The following FRAS1 variants were observed in gnomAD, a reference collection of about 807,000 sequenced individuals.
FRAS1 encodes extracellular matrix organizing protein FRAS1.
In FRAS1, 290 loss-of-function variants were observed where a neutral mutation model predicts 435.2. The observed-to-expected ratio is 0.67, with a 90% CI of 0.61 to 0.73. The LOEUF (loss-of-function observed/expected upper bound fraction) is 0.73. Ranked by LOEUF, FRAS1 falls within the 30% of genes least tolerant of loss-of-function variation. FRAS1 has a pLI of 0.00. For missense variants in FRAS1, 4,860 were observed against 5,001.5 expected, an observed-to-expected ratio of 0.97 and a Z score of 0.85; for synonymous variants, 1,800 against 1,851.0, an observed-to-expected ratio of 0.97 and a Z score of 0.71.
Position 78,496,796 on chromosome 4 carries a change from T to C in FRAS1, c.8959-9T>C. On this transcript the variant is annotated splice_polypyrimidine_tract_variant and intron_variant, in intron 59 of 73. Coordinates refer to ENST00000512123, the MANE Select transcript of FRAS1 (RefSeq NM_025074.7). ...AAAATTTTAATCTGTCTTGTGCCAT[T>C]GGCTCTAGGTGAAGAACTGTACGGT... 12 of 1,608,024 alleles carry C rather than the reference T, an allele frequency of 7.5e-6. No homozygotes were observed. Among genetic ancestry groups the C allele is most frequent in the Non-Finnish European group, 1.0e-5 (12 of 1,177,824 alleles).
intron 14 of FRAS1, among the ~76,000 whole-genome samples, chr4:78,303,866 G>T (rs999967552): frequency 1.3e-5 from 2 of 148,936 alleles, no homozygotes; most frequent in East Asian, 2.0e-4. Flanking sequence ...CTGCCTAATT[G>T]CCCTGGCCAG....
chr4:78,530,134 C>G (rs959962293), intron 70 of FRAS1, among the ~76,000 whole-genome samples: 1 of 151,608 alleles, frequency 6.6e-6, no homozygotes, highest in Non-Finnish European at 1.5e-5. Flanking sequence ...GGCTTTCTCT[C>G]TATTACAAAG....
intron 52 of FRAS1, 35 bp from the exon 53 acceptor site, chr4:78,473,400 TCCC>T (rs757261954): frequency 6.3e-7 from 1 of 1,582,450 alleles, no homozygotes; most frequent in South Asian, 1.1e-5. Flanking sequence ...TGTCGTTACA[TCCC>T]TGGGTTAATT....
intron 31 of FRAS1, 26 bp from the exon 32 acceptor site, chr4:78,412,943 G>T (rs370767925): frequency 7.6e-6 from 11 of 1,455,014 alleles, no homozygotes; most frequent in South Asian, 2.5e-5. Flanking sequence ...AAGATGAGAG[G>T]CTCACCAGGA....
chr4:78,389,418 A>G (rs1269313306), intron 29 of FRAS1, among the ~76,000 whole-genome samples: 4 of 151,842 alleles, frequency 2.6e-5, no homozygotes, highest in Admixed American at 1.3e-4. Context: ...TGAACAGCTG[A>G]ATCTAATATG....
intron 2 of FRAS1, among the ~76,000 whole-genome samples, chr4:78,105,590 G>C (rs967318286): frequency 2.0e-5 from 3 of 152,162 alleles, no homozygotes; most frequent in Non-Finnish European, 4.4e-5. Flanking sequence ...ACAAGAGATG[G>C]GGGAGAGGAT....
At chr4:78,061,544 G>T (rs553539740) in intron 1 of FRAS1, among the ~76,000 whole-genome samples, 1 of 152,146 alleles carries the variant, frequency 6.6e-6, no homozygotes, top group South Asian at 2.1e-4. Context: ...TCCTATAAAT[G>T]CTATTTAACA....
At chr4:78,457,647 A>C (rs1187143909) in intron 47 of FRAS1, among the ~76,000 whole-genome samples, 1 of 152,250 alleles carries the variant, frequency 6.6e-6, no homozygotes, top group Non-Finnish European at 1.5e-5. Context: ...GTACCCACGA[A>C]AGTGAGTGCC....
chr4:78,168,921 T>C (rs1721443219), intron 2 of FRAS1, among the ~76,000 whole-genome samples: 1 of 152,132 alleles, frequency 6.6e-6, no homozygotes, highest in Non-Finnish European at 1.5e-5. Flanking sequence ...GTGCTTTGTG[T>C]GCAAGATGTC....
At chr4:78,111,496 G>T (rs1385409781) in intron 2 of FRAS1, among the ~76,000 whole-genome samples, 21 of 43,550 alleles carry the variant, frequency 4.8e-4, no homozygotes, top group East Asian at 4.2e-3. Flanking sequence ...GTAAACTATC[G>T]CAAGAACAAA....
intron 49 of FRAS1, 42 bp downstream of exon 49, chr4:78,464,625 G>A: frequency 6.2e-7 from 1 of 1,605,886 alleles, no homozygotes; most frequent in Non-Finnish European, 8.5e-7. Flanking sequence ...CTAAATGAGA[G>A]GCTGACCTGG....
chr4:78,497,961 AT>A (rs1302668725), intron 60 of FRAS1, among the ~76,000 whole-genome samples: 1 of 152,204 alleles, frequency 6.6e-6, no homozygotes, highest in African/African-American at 2.4e-5. Context: ...GACAAATAAG[AT>A]TTATACTCTG....
intron 45 of FRAS1, among the ~76,000 whole-genome samples, chr4:78,451,318 G>C (rs1034343126): frequency 6.6e-6 from 1 of 152,158 alleles, no homozygotes; most frequent in Non-Finnish European, 1.5e-5. Flanking sequence ...ATGTTGCTCC[G>C]TGAACTGGGC....
intron 20 of FRAS1, among the ~76,000 whole-genome samples, chr4:78,354,133 TG>T (rs1730758067): frequency 6.6e-6 from 1 of 152,030 alleles, no homozygotes. Context: ...CTTTTACATT[TG>T]ACACTGCCAC....
At chr4:78,436,186 A>T (rs930141020) in intron 38 of FRAS1, among the ~76,000 whole-genome samples, 1 of 152,230 alleles carries the variant, frequency 6.6e-6, no homozygotes, top group South Asian at 2.1e-4. Context: ...AAGATAATCA[A>T]GTAGAAAAAT....
chr4:78,438,950 C>T lies in FRAS1; in HGVS notation c.5415C>T (p.Phe1805=). The change falls in exon 40 of 74, where the codon TTC becomes TTT. Residue 1805 remains phenylalanine, a synonymous_variant. Coordinates refer to ENST00000512123, the MANE Select transcript of FRAS1 (RefSeq NM_025074.7). ...ATGGTCATCTGGTTACTGATAGCTT[C>T]TATTTCTCTGTCTCTGACATGGACC... ...ETDGHLVTDS[F]YFSVSDMDHN... is the part of the protein sequence containing the mutation. 6.2e-7 allele frequency: 1 copy of T among 1,612,982 alleles called. No homozygotes were observed. Among genetic ancestry groups the T allele is most frequent in the Non-Finnish European group, 8.5e-7 (1 of 1,179,604 alleles).
intron 14 of FRAS1, among the ~76,000 whole-genome samples, chr4:78,306,207 T>A (rs1189165792): frequency 6.6e-6 from 1 of 152,016 alleles, no homozygotes; most frequent in African/African-American, 2.4e-5. Context: ...CTCTTCTGGC[T>A]TGTAGAGTTT....
chr4:78,434,262 G>C (rs896995440), intron 38 of FRAS1, among the ~76,000 whole-genome samples: 3 of 152,184 alleles, frequency 2.0e-5, no homozygotes, highest in Non-Finnish European at 4.4e-5. Flanking sequence ...AAAGGCAAAA[G>C]TTGGATTTTG....
At chr4:78,392,034 C>T (rs943510542) in intron 29 of FRAS1, among the ~76,000 whole-genome samples, 1 of 152,122 alleles carries the variant, frequency 6.6e-6, no homozygotes, top group African/African-American at 2.4e-5. Flanking sequence ...TCATAAGGTG[C>T]ATAATCAGAA....
Sources: allele counts gnomAD v4.1 joint callset (sites outside exome capture counted in the v4.1 genomes callset), GRCh38; gene constraint gnomAD v4.1.1; transcripts MANE v1.5; gene names NCBI Gene and HGNC (gene_info 2026-07-23, HGNC 2026-07-21).